The following CSNK2A2 variants were observed in gnomAD, a reference collection of about 807,000 sequenced individuals.
The protein encoded by CSNK2A2 is casein kinase II subunit alpha'.
In CSNK2A2, 8 loss-of-function variants were observed where a neutral mutation model predicts 54.0. That is an observed-to-expected ratio of 0.15 (90% CI 0.09 to 0.27). The LOEUF (loss-of-function observed/expected upper bound fraction) is 0.27, where lower values mean the gene tolerates loss of function less well. CSNK2A2 is among the 10% of genes least tolerant of loss of function. The pLI, the probability that CSNK2A2 is intolerant of heterozygous loss-of-function variation, is 1.00. For missense variants in CSNK2A2, 242 were observed against 439.4 expected, an observed-to-expected ratio of 0.55 and a Z score of 4.02; for synonymous variants, 141 against 153.9, an observed-to-expected ratio of 0.92 and a Z score of 0.62.
At chr16:58,170,197 T>A (rs953899828) in intron 5 of CSNK2A2, among the ~76,000 whole-genome samples, 16 of 150,888 alleles carry the variant, frequency 1.1e-4, no homozygotes, top group Admixed American at 1.1e-3. Flanking sequence ...AACATCTCCA[T>A]CACTCCTAAA....
At chr16:58,174,861 A>C (rs569929660) in intron 4 of CSNK2A2, among the ~76,000 whole-genome samples, 1 of 148,968 alleles carries the variant, frequency 6.7e-6, no homozygotes, top group Non-Finnish European at 1.5e-5. Flanking sequence ...CCGAACATCA[A>C]GAAAACTAAC....
intron 2 of CSNK2A2, among the ~76,000 whole-genome samples, chr16:58,196,161 C>A (rs1049090133): frequency 3.9e-5 from 6 of 152,164 alleles, no homozygotes. Flanking sequence ...TATTTTCTAA[C>A]AAACGGAGCC....
chr16:58,169,249 G>T (rs911641249), intron 5 of CSNK2A2, among the ~76,000 whole-genome samples: 1 of 152,002 alleles, frequency 6.6e-6, no homozygotes, highest in Non-Finnish European at 1.5e-5. Flanking sequence ...TTAAAAGAGG[G>T]GGTGATGAGG....
At chr16:58,170,963 T>A (rs529137195) in intron 5 of CSNK2A2, among the ~76,000 whole-genome samples, 5 of 152,210 alleles carry the variant, frequency 3.3e-5, no homozygotes, top group African/African-American at 1.2e-4. Flanking sequence ...AATGAAATAC[T>A]CTTCAAGTAG....
At chr16:58,178,928 C>T (rs1420762782) in intron 4 of CSNK2A2, among the ~76,000 whole-genome samples, 1 of 152,122 alleles carries the variant, frequency 6.6e-6, no homozygotes, top group Non-Finnish European at 1.5e-5. Flanking sequence ...ATAGTGCAAT[C>T]AAATTTTTAA....
intron 8 of CSNK2A2, 23 bp from the exon 9 acceptor site, chr16:58,166,707 C>G: frequency 6.5e-7 from 1 of 1,550,352 alleles, no homozygotes; most frequent in Non-Finnish European, 8.9e-7. Flanking sequence ...ACAAACTGAC[C>G]AAATCACTGA....
chr16:58,184,071 G>GT (rs995854716), intron 4 of CSNK2A2, among the ~76,000 whole-genome samples, 189 bp downstream of exon 4: 1 of 152,158 alleles, frequency 6.6e-6, no homozygotes, highest in Middle Eastern at 3.2e-3. Flanking sequence ...GGGTGATTAA[G>GT]TAATTTCACC....
At chr16:58,188,211 G>A (rs925673623) in intron 2 of CSNK2A2, among the ~76,000 whole-genome samples, 3 of 152,158 alleles carry the variant, frequency 2.0e-5, no homozygotes, top group Non-Finnish European at 4.4e-5. Context: ...TGACAGGCTG[G>A]GCTCTCGCTG....
At chr16:58,174,943 TG>T (rs1286536470) in intron 4 of CSNK2A2, among the ~76,000 whole-genome samples, 2 of 152,166 alleles carry the variant, frequency 1.3e-5, no homozygotes, top group African/African-American at 4.8e-5. Context: ...AAGAACTTCA[TG>T]GGCTACTGTG....
At chr16:58,167,594 T>C in intron 7 of CSNK2A2, 91 bp downstream of exon 7, 1 of 972,014 alleles carries the variant, frequency 1.0e-6, no homozygotes, top group Non-Finnish European at 1.6e-6. Context: ...GGCTGGGTTT[T>C]GAGTGTATTC....
intron 5 of CSNK2A2, chr16:58,173,878 G>A (rs576393528): frequency 6.6e-5 from 10 of 152,238 alleles, no homozygotes; most frequent in Non-Finnish European, 1.5e-4. Context: ...CACAGGTAGA[G>A]GGTTGAAAAG....
At chr16:58,190,471 G>A (rs1052876182) in intron 2 of CSNK2A2, among the ~76,000 whole-genome samples, 3 of 152,066 alleles carry the variant, frequency 2.0e-5, no homozygotes, top group Non-Finnish European at 4.4e-5. Flanking sequence ...ATGATGGCAC[G>A]TAATTCACTA....
chr16:58,181,686 G>A (rs914677309), intron 4 of CSNK2A2, among the ~76,000 whole-genome samples: 1 of 152,192 alleles, frequency 6.6e-6, no homozygotes. Context: ...GCTGTAAGAT[G>A]TGAAGTCTAA....
rs1232756044 is a variant in CSNK2A2 at position 58,197,793 on chromosome 16, G to C, written c.-57C>G. ...CAGAGGGTGGCGGCGGCGGCGCGGC[G>C]GGGGACGCGGGGCGTCGGGCGGAGG... On this transcript the variant is annotated 5_prime_UTR_variant, in exon 1 of 12. Transcript: ENST00000262506. The surrounding 1 kb of genome is among the most constrained non-coding windows in gnomAD (Gnocchi z 4.0). 15 of 411,180 alleles carry C rather than the reference G, an allele frequency of 3.6e-5. No individual in the cohort carries two copies. The highest frequency in any genetic ancestry group is 4.5e-5 in the Non-Finnish European group (14 of 310,388). The allele number at this position is 411,180 out of a possible 1,614,324, so 25.5% of individuals were successfully genotyped here. A position where few individuals can be genotyped will look rare whatever the true frequency, so the allele number is the denominator to read the frequency against.
intron 11 of CSNK2A2, chr16:58,158,779 G>T (rs1022029651): frequency 6.6e-6 from 1 of 152,146 alleles, no homozygotes; most frequent in African/African-American, 2.4e-5. Flanking sequence ...ACTAAGACGG[G>T]GTCTGTATTT....
intron 7 of CSNK2A2, 130 bp downstream of exon 7, chr16:58,167,555 C>T (rs1456377249): frequency 4.1e-6 from 3 of 723,556 alleles, no homozygotes; most frequent in African/African-American, 3.6e-5. Flanking sequence ...TGAGAAAAAA[C>T]TAAAATCAGC....
At chr16:58,168,797 C>T (rs1961645315) in intron 5 of CSNK2A2, 104 bp from the exon 6 acceptor site, 2 of 859,098 alleles carry the variant, frequency 2.3e-6, no homozygotes, top group Non-Finnish European at 3.7e-6. Context: ...ATACAGTCCC[C>T]CAACGGGCAG....
At chr16:58,164,021 T>G in intron 11 of CSNK2A2, 33 bp downstream of exon 11, 1 of 1,525,564 alleles carries the variant, frequency 6.6e-7, no homozygotes, top group Non-Finnish European at 9.1e-7. Context: ...TTTGGTTGGT[T>G]GGTTTTATTG....
intron 11 of CSNK2A2, chr16:58,161,027 T>C (rs190435654): frequency 1.6e-3 from 239 of 152,308 alleles, no homozygotes; most frequent in African/African-American, 5.6e-3. Context: ...GTCTGCGTCA[T>C]ACACTCAATA....
Sources: gnomAD v4.1 joint callset for allele counts (sites outside exome capture counted in the v4.1 genomes callset) on GRCh38, gnomAD v4.1.1 for gene constraint, Gnocchi (gnomAD v3.1) non-coding constraint, MANE v1.5 for transcripts, NCBI Gene and HGNC (gene_info 2026-07-23, HGNC 2026-07-21) for gene names.